The following TTC34 variants were observed in gnomAD, a reference collection of about 807,000 sequenced individuals.
TTC34 encodes the protein tetratricopeptide repeat domain 34.
Under a neutral mutation model 40.7 loss-of-function variants are expected in TTC34, and 44 were observed. That is an observed-to-expected ratio of 1.08 (90% CI 0.85 to 1.39). The LOEUF is 1.39. TTC34 is among the 40% of genes most tolerant of loss of function. The pLI is 0.00. For missense variants in TTC34, 884 were observed against 838.0 expected (o/e 1.05, Z -0.68); for synonymous variants, 422 against 398.6 (o/e 1.06, Z -0.70).
At chr1:2,639,790 C>T (rs1011597210) in exon 9 of TTC34, 18 of 152,452 alleles carry the variant, frequency 1.2e-4, no homozygotes, top group African/African-American at 3.4e-4. Flanking sequence ...TGCCCATCCC[C>T]GAGGTACTCA....
intron 6 of TTC34, among the ~76,000 whole-genome samples, chr1:2,651,882 G>A (rs1046553321): frequency 1.3e-5 from 2 of 151,854 alleles, no homozygotes; most frequent in Non-Finnish European, 2.9e-5. Context: ...AACAACTCAC[G>A]ATTTTGGGTG....
chr1:2,684,382 A>C (rs1384231481), intron 6 of TTC34, among the ~76,000 whole-genome samples: 1 of 151,564 alleles, frequency 6.6e-6, no homozygotes, highest in African/African-American at 2.4e-5. Flanking sequence ...GACAGCCTGG[A>C]ACAGAATCCA....
At chr1:2,683,599 G>C (rs868867843) in intron 6 of TTC34, among the ~76,000 whole-genome samples, 1 of 145,384 alleles carries the variant, frequency 6.9e-6, no homozygotes, top group Non-Finnish European at 1.5e-5. Context: ...ACACACTCAG[G>C]CGAGCATCTG....
At chr1:2,797,685 C>T (rs576248399) in intron 2 of TTC34, among the ~76,000 whole-genome samples, 4 of 152,214 alleles carry the variant, frequency 2.6e-5, no homozygotes, top group South Asian at 4.1e-4. Context: ...AGAGTGCTGG[C>T]AGTAGGCTGG....
chr1:2,753,374 AC>A (rs1641392125), intron 6 of TTC34, among the ~76,000 whole-genome samples: 3 of 127,240 alleles, frequency 2.4e-5, no homozygotes, highest in African/African-American at 3.4e-5. Context: ...CAGCACCCAC[AC>A]CCCCAGGCGA....
Position 2,691,745 on chromosome 1 carries a change from C to A in TTC34, c.2227-46182G>T, listed in dbSNP as rs529711413. On this transcript the variant is annotated intron_variant, in intron 6 of 8. Coordinates refer to ENST00000401095, the Ensembl canonical transcript of TTC34. ...GACAGCCTGGAGCAGCACCCACATT[C>A]CCAGGCAAGCATCTGAACGCAAATA... Among the ~76,000 whole-genome samples, 5 of 103,224 alleles carry A rather than the reference C, an allele frequency of 4.8e-5. 1 individual carries two copies. The highest frequency in any genetic ancestry group is 1.3e-4 in the African/African-American group (4 of 31,116). 67.7% of individuals were successfully genotyped at this position (103,224 alleles called of 152,430 possible).
At chr1:2,751,708 G>A (rs1641326328) in intron 6 of TTC34, among the ~76,000 whole-genome samples, 3 of 141,868 alleles carry the variant, frequency 2.1e-5, no homozygotes, top group Admixed American at 7.1e-5. Context: ...GCATCCGACA[G>A]CCTGGAGCAG....
chr1:2,685,220 C>A (rs1381300921), intron 6 of TTC34, among the ~76,000 whole-genome samples: 1 of 125,804 alleles, frequency 7.9e-6, no homozygotes. Context: ...CATCTGACAT[C>A]GTGGAGCAGC....
At chr1:2,753,400 G>A (rs1641392769) in intron 6 of TTC34, among the ~76,000 whole-genome samples, 1 of 127,752 alleles carries the variant, frequency 7.8e-6, no homozygotes, top group Non-Finnish European at 1.6e-5. Flanking sequence ...CTGACAGCAT[G>A]TAACAGCACC....
rs571481062 is a variant in TTC34 at position 2,796,950 on chromosome 1, C to T, written c.784+3094G>A. Among the ~76,000 whole-genome samples, 12 of 152,276 alleles carry T rather than the reference C, an allele frequency of 7.9e-5. No individual in the cohort carries two copies. In the East Asian group the frequency reaches 2.3e-3, roughly 29 times the overall value. Reference sequence around the variant, plus strand: ...ACACTCCTTGTCCTCTCCTTACGGACATTGTGGCCACTCTCAGGGCTGCCT... The same window carrying T: ...ACACTCCTTGTCCTCTCCTTACGGATATTGTGGCCACTCTCAGGGCTGCCT... On this transcript the variant is annotated intron_variant, in intron 2 of 8. Transcript: ENST00000401095. The surrounding 1 kb of genome is among the most constrained non-coding windows in gnomAD (Gnocchi z 4.5).
chr1:2,675,034 C>T (rs1433942917), intron 6 of TTC34, among the ~76,000 whole-genome samples: 1 of 136,556 alleles, frequency 7.3e-6, no homozygotes, highest in Non-Finnish European at 1.6e-5. Flanking sequence ...TGGAGCAGCA[C>T]CCACAACCAC....
At chr1:2,759,701 CTGGAGCAGGACCCACACCCCG>C (rs1641630872) in intron 6 of TTC34, among the ~76,000 whole-genome samples, 1 of 127,416 alleles carries the variant, frequency 7.8e-6, no homozygotes, top group Non-Finnish European at 1.7e-5. Flanking sequence ...ATCCGACAGC[CTGGAGCAGGACCCACACCCCG>C]AGGTGAACAT....
chr1:2,755,803 G>GGACA (rs2100445807), intron 6 of TTC34, among the ~76,000 whole-genome samples: 1 of 29,926 alleles, frequency 3.3e-5, no homozygotes, highest in South Asian at 1.3e-3. Context: ...AGCATCTGAT[G>GGACA]GTCTGGAGCA....
At chr1:2,784,320 CT>C (rs1643542509) in intron 5 of TTC34, among the ~76,000 whole-genome samples, 1 of 152,184 alleles carries the variant, frequency 6.6e-6, no homozygotes. Flanking sequence ...ACTATTCCTT[CT>C]ACCGCTATCT....
chr1:2,652,547 C>G (rs61765806), intron 6 of TTC34, among the ~76,000 whole-genome samples: 30 of 5,272 alleles, frequency 5.7e-3, no homozygotes, highest in East Asian at 0.01. Flanking sequence ...ATTGGAAAGC[C>G]TGGAGCAGCA....
intron 6 of TTC34, among the ~76,000 whole-genome samples, chr1:2,751,665 A>G (rs1179987008): frequency 4.3e-5 from 5 of 117,564 alleles, no homozygotes; most frequent in Non-Finnish European, 5.1e-5. Flanking sequence ...TGAGCATTGG[A>G]CAGCCTGGAT....
At chr1:2,760,347 G>GGT (rs1641656541) in intron 6 of TTC34, among the ~76,000 whole-genome samples, 1 of 45,974 alleles carries the variant, frequency 2.2e-5, no homozygotes, top group Admixed American at 2.1e-4. Context: ...CTGACAGCCT[G>GGT]GAACAGCACC....
intron 8 of TTC34, among the ~76,000 whole-genome samples, chr1:2,643,446 C>T (rs1638953564): frequency 6.6e-6 from 1 of 152,084 alleles, no homozygotes; most frequent in Admixed American, 6.5e-5. Context: ...CCCATCTAGC[C>T]GCCTCCTCTG....
intron 5 of TTC34, 64 bp downstream of exon 5, chr1:2,785,747 ATGGCAGAG>A: frequency 6.8e-7 from 1 of 1,462,970 alleles, no homozygotes; most frequent in Non-Finnish European, 9.1e-7. Flanking sequence ...ACCAACCAGC[ATGGCAGAG>A]ACTCCCCATG....
Sources: gnomAD v4.1 joint callset for allele counts (sites outside exome capture counted in the v4.1 genomes callset) on GRCh38, gnomAD v4.1.1 for gene constraint, Gnocchi (gnomAD v3.1) non-coding constraint, MANE v1.5 for transcripts, NCBI Gene and HGNC (gene_info 2026-07-23, HGNC 2026-07-21) for gene names.